Variants in WWOX observed in about 807,000 individuals in gnomAD.
WWOX encodes the protein WW domain-containing oxidoreductase.
A neutral mutation model predicts 46.2 loss-of-function variants in WWOX; 69 were observed. The observed-to-expected ratio is 1.49, with a 90% CI of 1.23 to 1.82. The LOEUF (loss-of-function observed/expected upper bound fraction) is 1.82. WWOX is among the 40% of genes most tolerant of loss of function. The pLI, the probability that WWOX is intolerant of heterozygous loss-of-function variation, is 0.00. For synonymous variants in WWOX, 359 were observed against 202.6 expected (o/e 1.77, Z -6.56); for missense variants, 919 against 542.6 (o/e 1.69, Z -6.89).
At chr16:78,577,138 G>T (rs1174367094) in intron 8 of WWOX, among the ~76,000 whole-genome samples, 2 of 152,096 alleles carry the variant, frequency 1.3e-5, no homozygotes, top group African/African-American at 4.8e-5. Flanking sequence ...TGTCTCATAG[G>T]GTTGGGCTGA....
At chr16:79,030,825 G>A (rs2047737983) in intron 8 of WWOX, among the ~76,000 whole-genome samples, 5 of 152,250 alleles carry the variant, frequency 3.3e-5, no homozygotes, top group Non-Finnish European at 1.5e-5. Flanking sequence ...CCTCATTCCT[G>A]TAATTCTAGC....
intron 8 of WWOX, among the ~76,000 whole-genome samples, chr16:79,161,367 T>A (rs1310151986): frequency 6.6e-6 from 1 of 152,026 alleles, no homozygotes; most frequent in Non-Finnish European, 1.5e-5. Context: ...AGGTTGTTGT[T>A]AAGGATGAAA....
chr16:78,335,082 TAATG>T (rs2151895425), intron 5 of WWOX, among the ~76,000 whole-genome samples: 1 of 152,266 alleles, frequency 6.6e-6, no homozygotes, highest in East Asian at 1.9e-4. Flanking sequence ...ATTCCACACA[TAATG>T]AATCAGAAGC....
intron 5 of WWOX, among the ~76,000 whole-genome samples, chr16:78,177,554 G>A (rs924954669): frequency 2.6e-5 from 4 of 152,212 alleles, no homozygotes; most frequent in Non-Finnish European, 2.9e-5. Context: ...AGCATCCACA[G>A]AGTGTAAGTA....
intron 8 of WWOX, among the ~76,000 whole-genome samples, chr16:78,707,813 C>G (rs986971674): frequency 6.6e-6 from 1 of 150,422 alleles, no homozygotes; most frequent in African/African-American, 2.5e-5. Flanking sequence ...CTAGCCTGTG[C>G]TAGAGAGCGA....
chr16:78,327,143 G>A (rs2080642452), intron 5 of WWOX, among the ~76,000 whole-genome samples: 1 of 152,170 alleles, frequency 6.6e-6, no homozygotes. Flanking sequence ...AGAATCTGGT[G>A]AAGGCCATCC....
At chr16:78,129,162 C>G (rs78301351) in intron 4 of WWOX, among the ~76,000 whole-genome samples, 3,062 of 152,236 alleles carry the variant, frequency 0.02, 118 homozygotes, top group African/African-American at 0.07. Flanking sequence ...AGCGTCGCCA[C>G]TTGCCCAGTG....
intron 8 of WWOX, among the ~76,000 whole-genome samples, chr16:78,439,499 A>T (rs1193308548): frequency 1.3e-5 from 2 of 152,190 alleles, no homozygotes; most frequent in East Asian, 3.9e-4. Context: ...ATTATGTCCA[A>T]AGCTTTTAAG....
chr16:78,771,017 C>T (rs977723584), intron 8 of WWOX, among the ~76,000 whole-genome samples: 1 of 152,186 alleles, frequency 6.6e-6, no homozygotes, highest in Non-Finnish European at 1.5e-5. Flanking sequence ...TTGCTGGAGG[C>T]AGAACATTCT....
intron 8 of WWOX, among the ~76,000 whole-genome samples, chr16:78,647,456 C>G (rs117233841): frequency 1.3e-5 from 2 of 152,118 alleles, no homozygotes; most frequent in Non-Finnish European, 2.9e-5. Flanking sequence ...ATCATGGACC[C>G]GTTCAGTACA....
At chr16:78,372,600 C>G (rs1052955057) in intron 5 of WWOX, among the ~76,000 whole-genome samples, 23 of 152,172 alleles carry the variant, frequency 1.5e-4, no homozygotes, top group Admixed American at 1.4e-3. Context: ...TGAACTGGAT[C>G]TAGAGAAGGG....
intron 8 of WWOX, chr16:78,526,568 G>A (rs9923830): frequency 6.6e-6 from 1 of 152,098 alleles, no homozygotes; most frequent in Non-Finnish European, 1.5e-5. Flanking sequence ...GGGCAAACAG[G>A]TGTCCCCCAG....
intron 8 of WWOX, among the ~76,000 whole-genome samples, chr16:78,539,825 G>C (rs758003401): frequency 6.6e-6 from 1 of 152,060 alleles, no homozygotes; most frequent in South Asian, 2.1e-4. Flanking sequence ...CTGGGAATGC[G>C]TTCATTTTCT....
intron 8 of WWOX, among the ~76,000 whole-genome samples, chr16:78,780,227 C>T (rs975723893): frequency 7.2e-5 from 11 of 152,246 alleles, no homozygotes; most frequent in African/African-American, 2.6e-4. Flanking sequence ...CCATACCATT[C>T]TTAACATCTC....
At chr16:79,131,500 T>A (rs902513295) in intron 8 of WWOX, among the ~76,000 whole-genome samples, 13 of 152,140 alleles carry the variant, frequency 8.5e-5, no homozygotes, top group African/African-American at 2.9e-4. Context: ...TACCCCTGAA[T>A]GTCCTAGTCC....
In WWOX at chr16:78,734,841, C is replaced by CTTTTTTTTTT. The variant is rs60560119; in HGVS notation, c.1056+302122_1056+302131dup. On this transcript the variant is annotated intron_variant, in intron 8 of 8. Transcript: ENST00000566780. ...GATGACTCAGGTGGGGACTTCAGTC[C>CTTTTTTTTTT]TTTTTTTTTTTTTTTTTTTTTTTTT... 1.2e-3 allele frequency among the ~76,000 whole-genome samples: 47 copies of CTTTTTTTTTT among 40,126 alleles called. 13 individuals carry two copies. The highest frequency in any genetic ancestry group is 1.7e-3 in the Admixed American group (4 of 2,402). The allele number at this position is 40,126 out of a possible 152,430, so 26.3% of individuals were successfully genotyped here. A position where few individuals can be genotyped will look rare whatever the true frequency, so the allele number is the denominator to read the frequency against.
intron 8 of WWOX, among the ~76,000 whole-genome samples, chr16:78,484,002 A>T (rs2084564961): frequency 6.6e-6 from 1 of 152,156 alleles, no homozygotes; most frequent in African/African-American, 2.4e-5. Context: ...CTTACTTTTT[A>T]GACATAATTT....
chr16:78,633,792 A>T (rs192367849), intron 8 of WWOX, among the ~76,000 whole-genome samples: 1 of 151,860 alleles, frequency 6.6e-6, no homozygotes, highest in East Asian at 1.9e-4. Context: ...GTGCGGTGCA[A>T]CCCGGGCTGT....
At chr16:78,453,856 A>T (rs547939336) in intron 8 of WWOX, among the ~76,000 whole-genome samples, 1 of 152,120 alleles carries the variant, frequency 6.6e-6, no homozygotes, top group South Asian at 2.1e-4. Flanking sequence ...TATAGTGAAG[A>T]TTTCATGTAT....
Sources: gnomAD v4.1 joint callset for allele counts (sites outside exome capture counted in the v4.1 genomes callset) on GRCh38, gnomAD v4.1.1 for gene constraint, MANE v1.5 for transcripts, NCBI Gene and HGNC (gene_info 2026-07-23, HGNC 2026-07-21) for gene names.